Variants in ATP2C1 observed in about 807,000 individuals in gnomAD.
ATP2C1 encodes the protein calcium-transporting ATPase type 2C member 1.
In ATP2C1, 31 loss-of-function variants were observed where a neutral mutation model predicts 120.5. The ratio of observed to expected loss-of-function variants is 0.26; its 90% CI spans 0.19 to 0.35. The LOEUF is 0.35. Ranked by LOEUF, ATP2C1 falls within the 10% of genes least tolerant of loss-of-function variation. The pLI is 1.00. For missense variants in ATP2C1, 731 were observed against 1,107.5 expected (o/e 0.66, Z 4.83); for synonymous variants, 351 against 358.7 (o/e 0.98, Z 0.24).
intron 1 of ATP2C1, among the ~76,000 whole-genome samples, chr3:130,857,658 G>C (rs1463466894): frequency 6.6e-6 from 1 of 152,102 alleles, no homozygotes; most frequent in East Asian, 1.9e-4. Flanking sequence ...TTTGCTTTTT[G>C]GATACAGACA....
intron 8 of ATP2C1, among the ~76,000 whole-genome samples, chr3:130,945,524 C>T (rs2685195): frequency 0.19 from 22,266 of 117,460 alleles, 2,120 homozygotes; most frequent in Middle Eastern, 0.31. Context: ...CCTCCCCCCA[C>T]CCCACGACAG....
At chr3:130,920,963 ATAGT>A (rs1230378679) in intron 2 of ATP2C1, among the ~76,000 whole-genome samples, 1 of 151,970 alleles carries the variant, frequency 6.6e-6, no homozygotes, top group South Asian at 2.1e-4. Flanking sequence ...TCCTTTTCAG[ATAGT>A]TAGTGTATGG....
chr3:131,010,187 CTTTT>C (rs35503162), intron 26 of ATP2C1, among the ~76,000 whole-genome samples: 7 of 88,016 alleles, frequency 8.0e-5, no homozygotes, highest in Non-Finnish European at 7.1e-5. Flanking sequence ...CTTTTTCTAT[CTTTT>C]TTTTTTTTTT....
Position 130,894,525 on chromosome 3 carries a change from T to G in ATP2C1, c.-180-65T>G. The G allele has an allele frequency of 7.2e-7, 1 of 1,392,654 alleles. No homozygotes were observed. Among genetic ancestry groups the G allele is most frequent in the South Asian group, 1.6e-5 (1 of 62,494 alleles). The allele number at this position is 1,392,654 out of a possible 1,614,324, so 86.3% of individuals were successfully genotyped here. On this transcript the variant is annotated intron_variant, in intron 1 of 27. Transcript: ENST00000510168. This position sits in a 1 kb window ranked among gnomAD's most constrained non-coding sequence, Gnocchi z 4.5. ...TTGGGGAGGGGGGCTCCCGAGATAG[T>G]GGCTGGGCGGGGAACTCCTTCCTCA...
At chr3:131,006,632 TG>T (rs2063124017), downstream of ATP2C1, among the ~76,000 whole-genome samples, 2 of 61,362 alleles carry the variant, frequency 3.3e-5, no homozygotes, top group Non-Finnish European at 7.6e-5. Flanking sequence ...TTCTAGTGTG[TG>T]TTTGTGTGTG....
intron 24 of ATP2C1, among the ~76,000 whole-genome samples, chr3:130,997,399 A>C (rs1278745338): frequency 6.6e-6 from 1 of 152,182 alleles, no homozygotes; most frequent in Non-Finnish European, 1.5e-5. Flanking sequence ...ATCCCCTATC[A>C]AATTGTGCCA....
chr3:130,936,483 A>G (rs1187569823), intron 5 of ATP2C1, among the ~76,000 whole-genome samples: 1 of 152,178 alleles, frequency 6.6e-6, no homozygotes, highest in Non-Finnish European at 1.5e-5. Context: ...AGTAGCTAAG[A>G]AGAATATCCA....
intron 20 of ATP2C1, among the ~76,000 whole-genome samples, chr3:130,981,775 T>G (rs1309456497): frequency 6.6e-6 from 1 of 152,232 alleles, no homozygotes; most frequent in Non-Finnish European, 1.5e-5. Flanking sequence ...GGTATCTTAC[T>G]GTGATTTTAA....
chr3:131,014,401 G>A (rs1560053527), intron 26 of ATP2C1: 3 of 1,544,964 alleles, frequency 1.9e-6, no homozygotes, highest in African/African-American at 1.4e-5. Context: ...TTCAAAGCAA[G>A]AAAAAAGTAT....
At chr3:130,936,816 CA>C (rs34156218) in intron 5 of ATP2C1, among the ~76,000 whole-genome samples, 130 of 77,938 alleles carry the variant, frequency 1.7e-3, no homozygotes, top group African/African-American at 7.7e-3. Flanking sequence ...GACTCTGTCT[CA>C]AAAAAAAAAA....
chr3:131,014,299 C>A (rs746729217), intron 26 of ATP2C1: 1 of 1,613,980 alleles, frequency 6.2e-7, no homozygotes. Context: ...AGTTGCTTAG[C>A]CTCAGGACAT....
intron 8 of ATP2C1, among the ~76,000 whole-genome samples, chr3:130,953,425 C>T (rs939714150): frequency 6.6e-5 from 10 of 151,240 alleles, no homozygotes; most frequent in Non-Finnish European, 1.0e-4. Flanking sequence ...CACTTTCAGT[C>T]ATCGTCGATG....
Position 130,894,154 on chromosome 3 carries a change from T to G in ATP2C1, c.-364T>G. The G allele has an allele frequency of 1.0e-3, 287 of 285,402 alleles. No homozygotes were observed. Among genetic ancestry groups the G allele is most frequent in the Non-Finnish European group, 1.2e-3 (259 of 211,760 alleles). The allele number at this position is 285,402 out of a possible 1,614,324, so 17.7% of individuals were successfully genotyped here. A position where few individuals can be genotyped will look rare whatever the true frequency, so the allele number is the denominator to read the frequency against. On this transcript the variant is annotated 5_prime_UTR_variant, in exon 1 of 28. Transcript: ENST00000510168. The surrounding 1 kb of genome is among the most constrained non-coding windows in gnomAD (Gnocchi z 4.5). ...TCCCCTCACCTCCTCTTCTCTCCCC[T>G]CCCCGCCCGCCCTCTCTCCCTCCCT...
intron 20 of ATP2C1, 58 bp from the exon 21 acceptor site, chr3:130,992,893 G>C: frequency 1.1e-5 from 15 of 1,374,962 alleles, no homozygotes; most frequent in African/African-American, 4.3e-5. Flanking sequence ...TGAATGCATG[G>C]GTTATTCTGT....
Position 131,001,924 on chromosome 3 carries a change from C to T in ATP2C1, c.*574C>T. 1.0e-6 allele frequency: 1 copy of T among 984,444 alleles called. No individual in the cohort carries two copies. 61.0% of individuals were successfully genotyped at this position (984,444 alleles called of 1,614,324 possible). On this transcript the variant is annotated 3_prime_UTR_variant, in exon 28 of 28. Transcript: ENST00000510168. ...ACAGGATGTGACCACTGTCAGATCA[C>T]TGTTCTTTTCTTTCTTTTTGTGATT... is the stretch of plus-strand genomic sequence containing the variant.
At chr3:130,955,976 T>C in intron 10 of ATP2C1, 128 bp from the exon 11 acceptor site, 1 of 696,270 alleles carries the variant, frequency 1.4e-6, no homozygotes, top group Non-Finnish European at 2.7e-6. Context: ...AGGTGATTAT[T>C]TACCTTATGG....
chr3:130,904,408 T>A (rs1252252354), intron 2 of ATP2C1, among the ~76,000 whole-genome samples: 1 of 152,006 alleles, frequency 6.6e-6, no homozygotes, highest in Non-Finnish European at 1.5e-5. Flanking sequence ...GTTAGTTATT[T>A]TTTAGAATGT....
At chr3:130,950,634 C>T (rs979169176) in intron 8 of ATP2C1, among the ~76,000 whole-genome samples, 1 of 152,128 alleles carries the variant, frequency 6.6e-6, no homozygotes, top group African/African-American at 2.4e-5. Flanking sequence ...TAGTTGAAAT[C>T]TTTGCAGATT....
At position 130,985,695 on chromosome 3, in the gene ATP2C1, C is replaced by T. The variant is rs2061976011; in HGVS notation, c.1839+5016C>T. On this transcript the variant is annotated intron_variant, in intron 20 of 27. Coordinates refer to ENST00000510168, the MANE Select transcript of ATP2C1 (RefSeq NM_001378687.1). The stretch of plus-strand genomic sequence containing the variant: ...CCAAATTAACAACAACAGCAAAAAA[C>T]CTAAAAAGAAAATATGACATGGAAA... 2.7e-5 allele frequency among the ~76,000 whole-genome samples: 3 copies of T among 109,988 alleles called. No individual in the cohort carries two copies. In the South Asian group the frequency reaches 9.4e-4, roughly 34 times the overall value. 72.2% of individuals were successfully genotyped at this position (109,988 alleles called of 152,430 possible).
Sources: allele counts gnomAD v4.1 joint callset (sites outside exome capture counted in the v4.1 genomes callset), GRCh38; gene constraint gnomAD v4.1.1; non-coding constraint Gnocchi (gnomAD v3.1); transcripts MANE v1.5; gene names NCBI Gene and HGNC (gene_info 2026-07-23, HGNC 2026-07-21).